Variants in CNNM1 observed in about 807,000 individuals in gnomAD.
The protein encoded by CNNM1 is metal transporter CNNM1.
A neutral mutation model predicts 78.8 loss-of-function variants in CNNM1; 44 were observed. The observed-to-expected ratio is 0.56, with a 90% CI of 0.44 to 0.72. The LOEUF is 0.72. Among genes scored for constraint, CNNM1 ranks in the 30% least tolerant of loss-of-function variants. The pLI, the probability that CNNM1 is intolerant of heterozygous loss-of-function variation, is 0.00. For missense variants in CNNM1, 1,101 were observed against 1,292.2 expected, an observed-to-expected ratio of 0.85 and a Z score of 2.27; for synonymous variants, 584 against 581.5, an observed-to-expected ratio of 1.00 and a Z score of -0.06.
At chr10:99,372,041 G>A (rs567921673) in intron 6 of CNNM1, among the ~76,000 whole-genome samples, 3 of 152,250 alleles carry the variant, frequency 2.0e-5, no homozygotes, top group South Asian at 2.1e-4. Flanking sequence ...GTATCTTGGG[G>A]TCTGATTCCA....
At chr10:99,351,952 TC>T (rs1232040961) in intron 1 of CNNM1, among the ~76,000 whole-genome samples, 8 of 152,226 alleles carry the variant, frequency 5.3e-5, no homozygotes, top group African/African-American at 1.9e-4. Context: ...CAATTGGCTT[TC>T]TTTTTAAAAA....
intron 2 of CNNM1, among the ~76,000 whole-genome samples, chr10:99,358,959 A>T (rs1258083131): frequency 7.5e-6 from 1 of 132,612 alleles, no homozygotes; most frequent in Non-Finnish European, 1.6e-5. Flanking sequence ...AGATTGTGCC[A>T]CAGCACTCCA....
At chr10:99,356,605 A>AAAAGAAAAG (rs1554940116) in intron 1 of CNNM1, among the ~76,000 whole-genome samples, 1 of 56,324 alleles carries the variant, frequency 1.8e-5, no homozygotes, top group African/African-American at 3.6e-5. Context: ...AGAAAGAAAG[A>AAAAGAAAAG]AAAGAAAGAA....
At chr10:99,361,661 A>G (rs2031438709) in intron 3 of CNNM1, among the ~76,000 whole-genome samples, 1 of 152,214 alleles carries the variant, frequency 6.6e-6, no homozygotes, top group Admixed American at 6.5e-5. Context: ...TCTTTTAACT[A>G]CTTCCCAGAG....
chr10:99,381,961 C>A (rs1284207367), intron 7 of CNNM1, among the ~76,000 whole-genome samples: 2 of 151,906 alleles, frequency 1.3e-5, no homozygotes, highest in Non-Finnish European at 2.9e-5. Context: ...GTTATTTAGG[C>A]CACTCATTTA....
At chr10:99,390,904 A>ATGGGTTCCC (rs2032453164) in intron 10 of CNNM1, among the ~76,000 whole-genome samples, 1 of 152,228 alleles carries the variant, frequency 6.6e-6, no homozygotes, top group Non-Finnish European at 1.5e-5. Context: ...TCCTTCCTAA[A>ATGGGTTCCC]AACAGACCTG....
intron 7 of CNNM1, among the ~76,000 whole-genome samples, chr10:99,385,868 A>C (rs1163371865): frequency 4.6e-5 from 7 of 152,208 alleles, no homozygotes; most frequent in African/African-American, 1.7e-4. Context: ...CTAAACTAGA[A>C]GCCAAATCTA....
chr10:99,381,869 T>C (rs1477739831), intron 7 of CNNM1, among the ~76,000 whole-genome samples: 1 of 151,842 alleles, frequency 6.6e-6, no homozygotes, highest in African/African-American at 2.4e-5. Flanking sequence ...TTTTCTCTTT[T>C]CTTTTTTTTT....
intron 9 of CNNM1, among the ~76,000 whole-genome samples, chr10:99,390,080 G>A (rs75241922): frequency 2.0e-5 from 3 of 152,098 alleles, no homozygotes; most frequent in East Asian, 1.9e-4. Flanking sequence ...GTTGGATTCC[G>A]GCTCCTGTTC....
At chr10:99,371,410 C>G (rs1156790740) in intron 6 of CNNM1, among the ~76,000 whole-genome samples, 2 of 152,200 alleles carry the variant, frequency 1.3e-5, no homozygotes, top group African/African-American at 4.8e-5. Flanking sequence ...TTCACTCCTT[C>G]TTTCTTCTCC....
At chr10:99,335,548 A>G (rs1251043045) in intron 1 of CNNM1, among the ~76,000 whole-genome samples, 1 of 152,212 alleles carries the variant, frequency 6.6e-6, no homozygotes, top group Non-Finnish European at 1.5e-5. Flanking sequence ...TAAGTACGGA[A>G]TAATTAATGT....
At chr10:99,366,545 A>T (rs946004795) in intron 6 of CNNM1, among the ~76,000 whole-genome samples, 1 of 151,780 alleles carries the variant, frequency 6.6e-6, no homozygotes, top group Non-Finnish European at 1.5e-5. Flanking sequence ...GCACTTTGGG[A>T]GGCCAGGACG....
intron 7 of CNNM1, among the ~76,000 whole-genome samples, chr10:99,383,884 A>G (rs1465409339): frequency 6.6e-6 from 1 of 152,200 alleles, no homozygotes; most frequent in Admixed American, 6.5e-5. Context: ...ATTTAGTTAC[A>G]TGTGGCTGTT....
rs1850543459 is a variant in CNNM1 at position 99,329,435 on chromosome 10, G to C, written c.48G>C (p.Arg16=). The change falls in exon 1 of 11, where the codon CGG becomes CGC. Residue 16 remains arginine (R), a synonymous_variant. Transcript: ENST00000356713. ...CAGCAGCGGTGGGTGTCAGGCTCCGGGACTGCTGCAGCCGAGGCGCTGTGC... is the reference window on the plus strand; with the variant it reads ...CAGCAGCGGTGGGTGTCAGGCTCCGCGACTGCTGCAGCCGAGGCGCTGTGC... ...AAAAAVGVRL[R]DCCSRGAVLL... 8.3e-7 allele frequency: 1 copy of C among 1,203,426 alleles called. No homozygotes were observed. The allele number at this position is 1,203,426 out of a possible 1,614,324, so 74.5% of individuals were successfully genotyped here.
rs1483662820 is a variant in CNNM1, at chr10:99,330,158, G to A, written c.771G>A (p.Leu257=). The change falls in exon 1 of 11, where the codon CTG becomes CTA. Residue 257 remains leucine, a synonymous_variant. Transcript: ENST00000356713. ...LSLDPVELRV[L]RNSGSAAEQE... ...TGGACCCGGTGGAGTTACGGGTGCT[G>A]CGGAACAGCGGCTCGGCCGCCGAGC... is the stretch of plus-strand genomic sequence containing the variant. 3 of 1,533,798 alleles carry A rather than the reference G, an allele frequency of 2.0e-6. No individual in the cohort carries two copies. The highest frequency in any genetic ancestry group is 2.7e-5 in the African/African-American group (2 of 72,844).
chr10:99,330,250 T>C lies in CNNM1; in HGVS notation c.863T>C (p.Leu288Pro). ...RGTHLLCTLL[L>P]GQAGANAALA... ...ACCCATCTGCTCTGCACCCTACTCC[T>C]GGGCCAAGCCGGAGCCAACGCGGCC... The change falls in exon 1 of 11, where the codon CTG (leucine) becomes CCG (proline). Residue 288 changes from leucine to proline, a missense_variant. Physicochemically the swap from Leu to Pro is moderately conservative, Grantham distance 98. Coordinates refer to ENST00000356713, the MANE Select transcript of CNNM1 (RefSeq NM_020348.3). 1.3e-6 allele frequency: 2 copies of C among 1,547,330 alleles called. No individual in the cohort carries two copies. Among genetic ancestry groups the C allele is most frequent in the Non-Finnish European group, 1.7e-6 (2 of 1,147,466 alleles).
chr10:99,358,518 G>A (rs2031304503), intron 2 of CNNM1, among the ~76,000 whole-genome samples: 1 of 152,158 alleles, frequency 6.6e-6, no homozygotes, highest in South Asian at 2.1e-4. Context: ...GTGAGATGCG[G>A]CCTTTCAGAA....
At chr10:99,340,876 T>TCCGTCCTGCCTGCCTGCCTGCCTG (rs2030425763) in intron 1 of CNNM1, among the ~76,000 whole-genome samples, 1 of 138,156 alleles carries the variant, frequency 7.2e-6, no homozygotes, top group Non-Finnish European at 1.5e-5. Flanking sequence ...CTTCCTTCCT[T>TCCGTCCTGCCTGCCTGCCTGCCTG]CCTGCCTGCC....
intron 6 of CNNM1, among the ~76,000 whole-genome samples, chr10:99,374,081 T>C (rs1216703321): frequency 1.3e-5 from 2 of 152,262 alleles, no homozygotes; most frequent in Non-Finnish European, 2.9e-5. Flanking sequence ...TTTGGGTAGA[T>C]ACCCAGTTGT....
Sources: gnomAD v4.1 joint callset for allele counts (sites outside exome capture counted in the v4.1 genomes callset) on GRCh38, gnomAD v4.1.1 for gene constraint, MANE v1.5 for transcripts, NCBI Gene and HGNC (gene_info 2026-07-23, HGNC 2026-07-21) for gene names.